LRRIQ1: variants seen among roughly 807,000 people sequenced by gnomAD.
The protein encoded by LRRIQ1 is leucine rich repeats and IQ motif containing 1.
In LRRIQ1, 210 loss-of-function variants were observed where a neutral mutation model predicts 211.9. The observed-to-expected ratio is 0.99, with a 90% confidence interval of 0.89 to 1.11. LRRIQ1 has a LOEUF of 1.11. Among genes scored for constraint, LRRIQ1 ranks in the 50% most tolerant of loss-of-function variants. The pLI, the probability that LRRIQ1 is intolerant of heterozygous loss-of-function variation, is 0.00. For synonymous variants in LRRIQ1, 699 were observed against 650.1 expected (o/e 1.08, Z -1.14); for missense variants, 2,136 against 1,939.5 (o/e 1.10, Z -1.90).
chr12:85,264,346 G>GT, exon 2 of LRRIQ1: 1 of 151,930 alleles, frequency 6.6e-6, no homozygotes, highest in Non-Finnish European at 1.5e-5. Context: ...TCCTTATTCT[G>GT]TAACCTGTGT....
chr12:85,101,856 T>C (rs1363618233), intron 13 of LRRIQ1, among the ~76,000 whole-genome samples: 1 of 151,784 alleles, frequency 6.6e-6, no homozygotes, highest in Non-Finnish European at 1.5e-5. Flanking sequence ...TTATTGATTT[T>C]TGATTCTAAA....
intron 24 of LRRIQ1, among the ~76,000 whole-genome samples, chr12:85,180,104 CTCAT>C (rs1161479223): frequency 6.6e-6 from 1 of 152,046 alleles, no homozygotes; most frequent in African/African-American, 2.4e-5. Context: ...AAACTTACAA[CTCAT>C]TCAGTGTTCA....
At chr12:85,224,998 C>A (rs888476420) in intron 24 of LRRIQ1, among the ~76,000 whole-genome samples, 9 of 151,838 alleles carry the variant, frequency 5.9e-5, no homozygotes, top group African/African-American at 2.2e-4. Context: ...TTATAATACT[C>A]ACTGAAAAAT....
intron 17 of LRRIQ1, among the ~76,000 whole-genome samples, chr12:85,125,258 A>AT (rs1307867890): frequency 6.6e-6 from 1 of 152,178 alleles, no homozygotes; most frequent in Non-Finnish European, 1.5e-5. Context: ...TTTAATAAAC[A>AT]TTTAAAGAGC....
rs1206668535 is a variant in LRRIQ1, at chr12:85,121,810, T to C, written c.3491T>C (p.Leu1164Pro). 7 of 1,607,978 alleles carry C rather than the reference T, an allele frequency of 4.4e-6. No individual in the cohort carries two copies. The highest frequency in any genetic ancestry group is 5.9e-6 in the Non-Finnish European group (7 of 1,177,128). ...EHNQLGSAGF[L>P]ALCQSQIREF... ...AATCAACTGGGATCAGCAGGTTTCC[T>C]GGCACTTTGTCAGTCTCAGATTCGA... The change falls in exon 16 of 27, where the codon CTG (leucine) becomes CCG (proline). Residue 1164 changes from leucine (L) to proline (P), a missense_variant. Coordinates refer to ENST00000393217, the MANE Select transcript of LRRIQ1 (RefSeq NM_001079910.2).
chr12:85,126,869 A>G (rs931835189), intron 17 of LRRIQ1, among the ~76,000 whole-genome samples: 1 of 152,164 alleles, frequency 6.6e-6, no homozygotes, highest in Non-Finnish European at 1.5e-5. Flanking sequence ...AGAGTTTATC[A>G]CTTCATTCCA....
At chr12:85,079,421 C>G (rs569602053) in intron 11 of LRRIQ1, among the ~76,000 whole-genome samples, 2 of 151,742 alleles carry the variant, frequency 1.3e-5, no homozygotes, top group Admixed American at 6.6e-5. Flanking sequence ...GACGGGGTTT[C>G]ACCATGTTGG....
intron 24 of LRRIQ1, among the ~76,000 whole-genome samples, chr12:85,177,339 G>A (rs1891757898): frequency 6.6e-6 from 1 of 152,008 alleles, no homozygotes; most frequent in Admixed American, 6.6e-5. Flanking sequence ...GGGGTGAGGG[G>A]CAACATAAAT....
intron 24 of LRRIQ1, among the ~76,000 whole-genome samples, chr12:85,201,265 A>T (rs1893279522): frequency 6.9e-6 from 1 of 145,574 alleles, no homozygotes; most frequent in Non-Finnish European, 1.5e-5. Context: ...TTTTTCAATA[A>T]TGTCCCTCAG....
At chr12:85,115,929 G>C (rs983829797) in intron 15 of LRRIQ1, among the ~76,000 whole-genome samples, 1 of 151,914 alleles carries the variant, frequency 6.6e-6, no homozygotes, top group Non-Finnish European at 1.5e-5. Context: ...TCTTCATTTT[G>C]TCATTAATTA....
At chr12:85,271,889 C>T in the LRRIQ1 span, among the ~76,000 whole-genome samples, 1 of 151,970 alleles carries the variant, frequency 6.6e-6, no homozygotes, top group African/African-American at 2.4e-5. Context: ...GATGGCCAAC[C>T]TAGGAATGCA....
chr12:85,127,913 T>C lies in LRRIQ1; in HGVS notation c.4089T>C (p.Thr1363=), dbSNP rs753777731. The part of the protein sequence containing the change: ...RQTHFSTRLH[T]AATEGLPNSS... ...CTCATTTCTCCACAAGGCTACATAC[T>C]GCTGCAACAGAAGGCCTGCCAAATT... Residue 1363 remains threonine (T), a synonymous_variant, in exon 18 of 27, where the codon ACT becomes ACC. Transcript: ENST00000393217. 1.2e-6 allele frequency: 2 copies of C among 1,614,080 alleles called. No individual in the cohort carries two copies. Among genetic ancestry groups the C allele is most frequent in the East Asian group, 4.5e-5 (2 of 44,862 alleles).
At chr12:85,146,454 G>A (rs1368789074) in intron 19 of LRRIQ1, among the ~76,000 whole-genome samples, 1 of 151,720 alleles carries the variant, frequency 6.6e-6, no homozygotes, top group African/African-American at 2.4e-5. Context: ...CCCCTTGGAA[G>A]GGGATGGCAG....
At chr12:85,173,682 G>T (rs1341793230) in intron 24 of LRRIQ1, among the ~76,000 whole-genome samples, 4 of 151,784 alleles carry the variant, frequency 2.6e-5, no homozygotes, top group South Asian at 4.2e-4. Context: ...GAGAGAGAGA[G>T]GTCTTTCTCT....
chr12:85,254,132 C>T (rs889480626), intron 1 of LRRIQ1, among the ~76,000 whole-genome samples: 1 of 152,008 alleles, frequency 6.6e-6, no homozygotes, highest in East Asian at 1.9e-4. Flanking sequence ...GGCCATGTCA[C>T]GTGTCTGCTC....
intron 13 of LRRIQ1, among the ~76,000 whole-genome samples, chr12:85,100,118 G>C (rs572817999): frequency 1.3e-5 from 2 of 151,738 alleles, no homozygotes; most frequent in Non-Finnish European, 3.0e-5. Flanking sequence ...GACATACGCA[G>C]TAAGTCACGG....
intron 24 of LRRIQ1, among the ~76,000 whole-genome samples, chr12:85,192,966 AT>A (rs1326306496): frequency 2.2e-4 from 6 of 27,048 alleles, no homozygotes; most frequent in Non-Finnish European, 2.6e-4. Context: ...ATATAATATA[AT>A]TATATATAAA....
intron 19 of LRRIQ1, among the ~76,000 whole-genome samples, chr12:85,151,920 A>G (rs995998176): frequency 1.3e-5 from 2 of 151,698 alleles, no homozygotes; most frequent in Non-Finnish European, 3.0e-5. Flanking sequence ...TAAATTTTCA[A>G]TAGTGATGTC....
intron 11 of LRRIQ1, among the ~76,000 whole-genome samples, chr12:85,092,725 G>A (rs1178572090): frequency 6.6e-6 from 1 of 152,142 alleles, no homozygotes; most frequent in African/African-American, 2.4e-5. Flanking sequence ...ACTAACCTTT[G>A]GTGTTTGTCA....
Sources: allele counts gnomAD v4.1 joint callset (sites outside exome capture counted in the v4.1 genomes callset), GRCh38; gene constraint gnomAD v4.1.1; transcripts MANE v1.5; gene names NCBI Gene and HGNC (gene_info 2026-07-23, HGNC 2026-07-21).